The following APIP variants were observed in gnomAD, a reference collection of about 807,000 sequenced individuals.
APIP encodes APAF1 interacting protein, also known as methylthioribulose-1-phosphate dehydratase.
In APIP, 32 loss-of-function variants were observed where a neutral mutation model predicts 32.0. The observed-to-expected ratio is 1.00, with a 90% CI of 0.76 to 1.34. APIP has a LOEUF of 1.34. Ranked by LOEUF, APIP falls within the 40% of genes most tolerant of loss-of-function variation. The pLI is 0.00. For missense variants in APIP, 247 were observed against 298.6 expected, an observed-to-expected ratio of 0.83 and a Z score of 1.27; for synonymous variants, 92 against 94.8, an observed-to-expected ratio of 0.97 and a Z score of 0.17.
chr11:34,910,935 T>C (rs1853537581), intron 1 of APIP, among the ~76,000 whole-genome samples: 2 of 152,108 alleles, frequency 1.3e-5, no homozygotes, highest in South Asian at 2.1e-4. Context: ...TTCTTTGTGA[T>C]TTTGGAGGCA....
chr11:34,909,972 C>G (rs1853520719), intron 1 of APIP, among the ~76,000 whole-genome samples: 1 of 152,072 alleles, frequency 6.6e-6, no homozygotes, highest in Non-Finnish European at 1.5e-5. Flanking sequence ...TAAACAAAGT[C>G]ATCAGCTGAG....
chr11:34,895,382 C>T (rs1338113557), intron 1 of APIP, among the ~76,000 whole-genome samples: 1 of 152,076 alleles, frequency 6.6e-6, no homozygotes, highest in East Asian at 1.9e-4. Flanking sequence ...GGGGAAATGC[C>T]TAGTATACAT....
chr11:34,883,532 CCATTAAAACAAATCAAG>C (rs758633477), intron 5 of APIP, 28 bp from the exon 6 acceptor site: 1 of 1,604,786 alleles, frequency 6.2e-7, no homozygotes, highest in Non-Finnish European at 8.5e-7. Flanking sequence ...CCATTTTTTT[CCATTAAAACAAATCAAG>C]CATTGATATG....
intron 1 of APIP, among the ~76,000 whole-genome samples, chr11:34,901,831 C>G (rs1853375353): frequency 6.6e-6 from 1 of 152,180 alleles, no homozygotes; most frequent in Admixed American, 6.5e-5. Flanking sequence ...ACCACTAGGC[C>G]AGTCCAGATC....
At chr11:34,907,678 T>C (rs1393381941) in intron 1 of APIP, among the ~76,000 whole-genome samples, 1 of 152,214 alleles carries the variant, frequency 6.6e-6, no homozygotes. Flanking sequence ...TGAATGTCAA[T>C]ATTACTTTCC....
chr11:34,908,537 C>T (rs569905268), intron 1 of APIP, among the ~76,000 whole-genome samples: 1 of 152,334 alleles, frequency 6.6e-6, no homozygotes, highest in East Asian at 1.9e-4. Flanking sequence ...AAAAACCCTC[C>T]TCCTCCTCAT....
At chr11:34,903,575 T>A (rs1287357219) in intron 1 of APIP, among the ~76,000 whole-genome samples, 2 of 152,142 alleles carry the variant, frequency 1.3e-5, no homozygotes, top group Non-Finnish European at 2.9e-5. Flanking sequence ...TTATCCTCAG[T>A]TTTTCTTACA....
At chr11:34,895,961 G>A (rs1314253367) in intron 1 of APIP, among the ~76,000 whole-genome samples, 1 of 152,132 alleles carries the variant, frequency 6.6e-6, no homozygotes, top group African/African-American at 2.4e-5. Flanking sequence ...AAGTACAAAT[G>A]CTGAATAAAT....
chr11:34,905,314 G>T (rs1355240882), intron 1 of APIP, among the ~76,000 whole-genome samples: 3 of 152,184 alleles, frequency 2.0e-5, no homozygotes, highest in Non-Finnish European at 4.4e-5. Context: ...AAGACTAATT[G>T]TTGGGTCTGT....
chr11:34,915,589 C>G (rs1345955967), intron 1 of APIP, among the ~76,000 whole-genome samples: 1 of 152,160 alleles, frequency 6.6e-6, no homozygotes, highest in African/African-American at 2.4e-5. Flanking sequence ...TATCTCTGAG[C>G]GTGTAGAAGG....
chr11:34,891,206 G>A (rs1193433812), intron 2 of APIP, among the ~76,000 whole-genome samples: 5 of 152,074 alleles, frequency 3.3e-5, no homozygotes, highest in African/African-American at 4.8e-5. Flanking sequence ...AGATCTCTTT[G>A]TTACAGGATG....
intron 2 of APIP, among the ~76,000 whole-genome samples, chr11:34,893,126 A>T (rs1366379504): frequency 2.6e-5 from 4 of 152,180 alleles, no homozygotes; most frequent in Non-Finnish European, 4.4e-5. Flanking sequence ...AGCCCATTTA[A>T]TTTTAAAAGA....
intron 1 of APIP, among the ~76,000 whole-genome samples, chr11:34,911,859 C>T (rs552367690): frequency 3.3e-3 from 496 of 152,182 alleles, no homozygotes; most frequent in African/African-American, 0.011. Flanking sequence ...CTTTGTCATC[C>T]CCTAATGGAA....
Position 34,882,810 on chromosome 11 carries a change from C to T in APIP, c.636G>A (p.Glu212=). The T allele has an allele frequency of 6.2e-6, 10 of 1,603,354 alleles. No homozygotes were observed. The highest frequency in any genetic ancestry group is 8.5e-6 in the Non-Finnish European group (10 of 1,173,096). ...ETWEKAKTMC[E]CYDYLFDIAV... The stretch of plus-strand genomic sequence containing the variant: ...CAATATCAAATAAATAGTCATAACA[C>T]TCACACCTGTAAAAGAAAAAGCAAA... Residue 212 remains glutamate, a synonymous_variant, in exon 7 of 7, where the codon GAG becomes GAA. Transcript: ENST00000395787.
intron 1 of APIP, among the ~76,000 whole-genome samples, chr11:34,906,329 C>A (rs925083281): frequency 2.0e-5 from 3 of 152,198 alleles, no homozygotes; most frequent in African/African-American, 7.2e-5. Flanking sequence ...AGAGACTACA[C>A]TATCTTGAAT....
intron 2 of APIP, among the ~76,000 whole-genome samples, chr11:34,894,279 A>T (rs1346403697): frequency 6.6e-6 from 1 of 152,160 alleles, no homozygotes; most frequent in Non-Finnish European, 1.5e-5. Flanking sequence ...TTCATTAATG[A>T]TACAGGTGCT....
chr11:34,906,098 A>G (rs928254941), intron 1 of APIP, among the ~76,000 whole-genome samples: 2 of 152,224 alleles, frequency 1.3e-5, no homozygotes, highest in African/African-American at 4.8e-5. Context: ...CTTCTAAGAT[A>G]TCAGAAAAAT....
chr11:34,898,696 T>C (rs1372734523), intron 1 of APIP, among the ~76,000 whole-genome samples: 3 of 150,862 alleles, frequency 2.0e-5, no homozygotes, highest in African/African-American at 7.3e-5. Context: ...AGAGTGAGCG[T>C]CTCTCTCTCT....
chr11:34,884,017 G>C (rs1489982847), intron 5 of APIP, among the ~76,000 whole-genome samples: 3 of 152,146 alleles, frequency 2.0e-5, no homozygotes, highest in Non-Finnish European at 4.4e-5. Context: ...AGAATGTTCT[G>C]GAGATAACTC....
Sources: gnomAD v4.1 joint callset for allele counts (sites outside exome capture counted in the v4.1 genomes callset) on GRCh38, gnomAD v4.1.1 for gene constraint, MANE v1.5 for transcripts, NCBI Gene and HGNC (gene_info 2026-07-23, HGNC 2026-07-21) for gene names.